The following MRPL43 variants were observed in gnomAD, a reference collection of about 807,000 sequenced individuals.
MRPL43 encodes mitochondrial ribosomal protein L43, also known as large ribosomal subunit protein mL43.
Under a neutral mutation model 12.7 loss-of-function variants are expected in MRPL43, and 9 were observed. That is an observed-to-expected ratio of 0.71 (90% CI 0.43 to 1.24). The LOEUF (loss-of-function observed/expected upper bound fraction) is 1.24, where lower values mean the gene tolerates loss of function less well. Ranked by LOEUF, MRPL43 falls within the 50% of genes most tolerant of loss-of-function variation. The pLI is 0.00. For missense variants in MRPL43, 211 were observed against 229.2 expected, an observed-to-expected ratio of 0.92 and a Z score of 0.51; for synonymous variants, 116 against 96.4, an observed-to-expected ratio of 1.20 and a Z score of -1.19.
chr10:100,979,940 C>T (rs1339531318), downstream of MRPL43: 1 of 1,613,942 alleles, frequency 6.2e-7, no homozygotes, highest in Admixed American at 1.7e-5. Context: ...CAGGATGGTT[C>T]CCGGCGCTGG....
chr10:100,978,638 A>G, downstream of MRPL43: 3 of 1,612,614 alleles, frequency 1.9e-6, no homozygotes, highest in Non-Finnish European at 2.5e-6. Context: ...CATTGGCTCA[A>G]TGGTTAGGAG....
At chr10:100,983,798 GAC>G (rs1349407594), downstream of MRPL43, 1 of 1,606,078 alleles carries the variant, frequency 6.2e-7, no homozygotes, top group Non-Finnish European at 8.5e-7. Context: ...TGCAACTGCA[GAC>G]AGTCTCAGGC....
Position 100,987,127 on chromosome 10 carries a change from C to G in MRPL43, c.201G>C (p.Ser67=), listed in dbSNP as rs766440941. ...RNPGVVIYVN[S]RPCCVPRVVA... Reference sequence around the variant, plus strand: ...CTACTCTGGGCACGCAGCACGGACGCGAGTTTACATATATTACGACCCCTG... The same window carrying G: ...CTACTCTGGGCACGCAGCACGGACGGGAGTTTACATATATTACGACCCCTG... The change falls in exon 2 of 3, where the codon TCG becomes TCC. Residue 67 remains serine, a synonymous_variant. Coordinates refer to ENST00000318364, the MANE Select transcript of MRPL43 (RefSeq NM_032112.3). 1.9e-6 allele frequency: 3 copies of G among 1,613,922 alleles called. No homozygotes were observed. Among genetic ancestry groups the G allele is most frequent in the African/African-American group, 2.7e-5 (2 of 75,054 alleles).
chr10:100,987,202 C>A lies in MRPL43; in HGVS notation c.132-6G>T, dbSNP rs771834198. 3 of 1,613,766 alleles carry A rather than the reference C, an allele frequency of 1.9e-6. No homozygotes were observed. Among genetic ancestry groups the A allele is most frequent in the Non-Finnish European group, 2.5e-6 (3 of 1,180,020 alleles). On this transcript the variant is annotated splice_region_variant and splice_polypyrimidine_tract_variant and intron_variant, in intron 1 of 2. Coordinates refer to ENST00000318364, the MANE Select transcript of MRPL43 (RefSeq NM_032112.3). ...CCTCCCGCTCCACGAACTCCCTAAG[C>A]GACCCGGGACAGTGAGCAGTATGAC...
downstream of MRPL43, among the ~76,000 whole-genome samples, chr10:100,982,362 C>T (rs528578991): frequency 6.6e-5 from 10 of 152,292 alleles, no homozygotes; most frequent in African/African-American, 2.4e-4. Context: ...GTGGCATGAT[C>T]AGATTTGTGT....
At chr10:100,983,860 T>C (rs1283942354), downstream of MRPL43, 1 of 1,579,270 alleles carries the variant, frequency 6.3e-7, no homozygotes, top group South Asian at 1.2e-5. Context: ...GCTGGGGGCC[T>C]GGAGGGCAGC....
chr10:100,978,494 ATG>A (rs1850900641), downstream of MRPL43: 1 of 1,605,670 alleles, frequency 6.2e-7, no homozygotes, highest in African/African-American at 1.3e-5. Flanking sequence ...TGAATATGAC[ATG>A]TCTCTCATGC....
rs1234078979 is a variant in MRPL43 at position 100,986,594 on chromosome 10, T to C, written c.*140A>G. On this transcript the variant is annotated 3_prime_UTR_variant, in exon 3 of 3. Coordinates refer to ENST00000318364, the MANE Select transcript of MRPL43 (RefSeq NM_032112.3). Reference sequence around the variant, plus strand: ...GGCACTGGAAAGAAACAGGCAGCTCTTCATTATCCCAAGCAGAACCTCTGT... The same window carrying C: ...GGCACTGGAAAGAAACAGGCAGCTCCTCATTATCCCAAGCAGAACCTCTGT... 6.2e-7 allele frequency: 1 copy of C among 1,606,532 alleles called. No homozygotes were observed. Among genetic ancestry groups the C allele is most frequent in the Admixed American group, 1.7e-5 (1 of 58,718 alleles).
chr10:100,980,493 C>G, downstream of MRPL43: 5 of 1,389,684 alleles, frequency 3.6e-6, no homozygotes, highest in Non-Finnish European at 5.1e-6. Flanking sequence ...CTCAGGACTC[C>G]TGAGCTGTTC....
downstream of MRPL43, chr10:100,979,362 G>C: frequency 2.5e-6 from 4 of 1,606,452 alleles, 1 homozygote; most frequent in South Asian, 4.5e-5. Context: ...ATCCACTGTG[G>C]GGAGGTCTGG....
chr10:100,981,553 GAACAA>G, downstream of MRPL43: 1 of 1,613,712 alleles, frequency 6.2e-7, no homozygotes, highest in Non-Finnish European at 8.5e-7. Context: ...TCTGAAGAAA[GAACAA>G]AAGTTAATCA....
downstream of MRPL43, chr10:100,984,379 G>C (rs1460240665): frequency 3.5e-6 from 5 of 1,448,782 alleles, no homozygotes; most frequent in Admixed American, 2.6e-5. Flanking sequence ...CTCAGGATCA[G>C]GTGCCCTGCA....
rs762266959 is a variant in MRPL43, at chr10:100,986,958, C to G, written c.256G>C (p.Glu86Gln). The G allele has an allele frequency of 6.2e-7, 1 of 1,607,022 alleles. No individual in the cohort carries two copies. Among genetic ancestry groups the G allele is most frequent in the South Asian group, 1.1e-5 (1 of 91,078 alleles). The change falls in exon 3 of 3, where the codon GAG (glutamate) becomes CAG (glutamine). Residue 86 changes from glutamate to glutamine, a missense_variant. Physicochemically the swap from Glu to Gln is conservative, Grantham distance 29. Transcript: ENST00000318364. ...ACCGACTTGCAGTGGATGCTCTCCT[C>G]GCGCACAGCCCCGTTAACTGGCAGA... ...VAEYLNGAVR[E>Q]ESIHCKSVEE...
Position 100,987,086 on chromosome 10 carries a change from T to TCA in MRPL43, c.238+2_238+3dup. 6.2e-7 allele frequency: 1 copy of TCA among 1,613,116 alleles called. No individual in the cohort carries two copies. Among genetic ancestry groups the TCA allele is most frequent in the Non-Finnish European group, 8.5e-7 (1 of 1,179,964 alleles). ...CCCTCCAGCCCGAGCCCGGCCCCAC[T>TCA]CACGGTATTCGGCCACTACTCTGGG... On this transcript the variant is annotated splice_donor_region_variant and intron_variant, in intron 2 of 2. Coordinates refer to ENST00000318364, the MANE Select transcript of MRPL43 (RefSeq NM_032112.3).
At chr10:100,978,810 A>C, downstream of MRPL43, 1 of 1,604,514 alleles carries the variant, frequency 6.2e-7, no homozygotes, top group Non-Finnish European at 8.5e-7. Flanking sequence ...AGGAATCCCC[A>C]GCCTGTCTCA....
At chr10:100,980,868 T>A, downstream of MRPL43, 1 of 1,608,236 alleles carries the variant, frequency 6.2e-7, no homozygotes, top group Non-Finnish European at 8.5e-7. Context: ...CAGCTACCAC[T>A]CTCCAGCTGC....
downstream of MRPL43, chr10:100,979,771 G>A (rs1850968399): frequency 4.5e-6 from 7 of 1,564,020 alleles, no homozygotes; most frequent in Admixed American, 1.0e-4. Context: ...GTAACAGTGA[G>A]CTTCAGGCTG....
chr10:100,983,871 T>C (rs752924036), downstream of MRPL43: 3 of 1,565,390 alleles, frequency 1.9e-6, no homozygotes, highest in South Asian at 3.5e-5. Context: ...GGAGGGCAGC[T>C]GTCTCCAGAT....
In MRPL43 at chr10:100,986,909, T is replaced by G; in HGVS notation, c.305A>C (p.Gln102Pro). Reference protein sequence around the residue: ...KSVEEISTLVQKLADQSGLDV... With the variant: ...KSVEEISTLVPKLADQSGLDV... ...CAAGCCCGACTGGTCGGCCAGCTTC[T>G]GCACCAGCGTCGAGATCTCCTCGAC... Residue 102 changes from glutamine (Q) to proline (P), a missense_variant, in exon 3 of 3, where the codon CAG (glutamine) becomes CCG (proline). Gln to Pro is a moderately conservative substitution (Grantham distance 76). Transcript: ENST00000318364. 1 of 1,611,826 alleles carries G rather than the reference T, an allele frequency of 6.2e-7. No homozygotes were observed. The highest frequency in any genetic ancestry group is 8.5e-7 in the Non-Finnish European group (1 of 1,180,012).
Sources: allele counts gnomAD v4.1 joint callset (sites outside exome capture counted in the v4.1 genomes callset), GRCh38; gene constraint gnomAD v4.1.1; transcripts MANE v1.5; gene names NCBI Gene and HGNC (gene_info 2026-07-23, HGNC 2026-07-21).